The following DST variants were observed in gnomAD, a reference collection of about 807,000 sequenced individuals.
The protein encoded by DST is dystonin.
Under a neutral mutation model 875.2 loss-of-function variants are expected in DST, and 253 were observed. The observed-to-expected ratio is 0.29, with a 90% CI of 0.26 to 0.32. The LOEUF is 0.32. Ranked by LOEUF, DST falls within the 10% of genes least tolerant of loss-of-function variation. The pLI, the probability that DST is intolerant of heterozygous loss-of-function variation, is 1.00. For synonymous variants in DST, 3,124 were observed against 3,197.1 expected (o/e 0.98, Z 0.77); for missense variants, 8,287 against 9,111.6 (o/e 0.91, Z 3.68).
At position 56,515,484 on chromosome 6, in the gene DST, T is replaced by C; in HGVS notation, c.18542A>G (p.Tyr6181Cys). ...TTCCTGCTGCTGCCTTAGAGTTTCA[T>C]ATTCAAGGGCTGGGGCGGGAAGCTG... is the stretch of plus-strand genomic sequence containing the variant. ...ISQLPAPALE[Y>C]ETLRQQQEEH... Residue 6181 changes from tyrosine (Y) to cysteine (C), a missense_variant, in exon 72 of 104, where the codon TAT (tyrosine) becomes TGT (cysteine). Around this residue, in one of 10 missense-constraint regions of DST, gnomAD observed 1,292 missense variants for 1,552.7 expected, o/e 0.83. Transcript: ENST00000680361. 6.2e-7 allele frequency: 1 copy of C among 1,613,916 alleles called. No individual in the cohort carries two copies. Among genetic ancestry groups the C allele is most frequent in the Non-Finnish European group, 8.5e-7 (1 of 1,179,820 alleles).
rs1231552396 is a variant in DST at position 56,639,283 on chromosome 6, A to G, written c.2940T>C (p.Asn980=). ...QEIAEQLLLE[N]HPARLTIEAY... ...CCTCAATAGTTAACCGGGCTGGATGATTTTCTAGAAGTAGCTGCTCTGCTA... is the reference window on the plus strand; with the variant it reads ...CCTCAATAGTTAACCGGGCTGGATGGTTTTCTAGAAGTAGCTGCTCTGCTA... The change falls in exon 22 of 104, where the codon AAT becomes AAC. Residue 980 remains asparagine, a synonymous_variant. Transcript: ENST00000680361. 1.2e-6 allele frequency: 2 copies of G among 1,613,642 alleles called. No individual in the cohort carries two copies. Among genetic ancestry groups the G allele is most frequent in the Non-Finnish European group, 1.7e-6 (2 of 1,179,782 alleles).
intron 5 of DST, among the ~76,000 whole-genome samples, chr6:56,726,019 A>AACAT (rs2099455074): frequency 6.6e-6 from 1 of 152,216 alleles, no homozygotes; most frequent in South Asian, 2.1e-4. Flanking sequence ...ACTGTACATC[A>AACAT]ACAGCATTGT....
intron 5 of DST, among the ~76,000 whole-genome samples, chr6:56,722,368 G>GTTAGTTATTTA (rs1554672068): frequency 2.0e-5 from 3 of 150,596 alleles, no homozygotes; most frequent in African/African-American, 7.3e-5. Flanking sequence ...GTACATGTTT[G>GTTAGTTATTTA]TTTATTTATT....
At chr6:56,683,516 G>A (rs998083654) in intron 9 of DST, among the ~76,000 whole-genome samples, 3 of 151,946 alleles carry the variant, frequency 2.0e-5, no homozygotes, top group African/African-American at 4.8e-5. Context: ...TCTCTCCTAC[G>A]GTAGTTTGTT....
At chr6:56,761,507 G>A (rs1426277665) in intron 4 of DST, among the ~76,000 whole-genome samples, 5 of 152,144 alleles carry the variant, frequency 3.3e-5, no homozygotes, top group Non-Finnish European at 7.3e-5. Flanking sequence ...ATTTAACCAA[G>A]CTATAATTTT....
At chr6:56,891,897 A>G (rs6910217) in intron 3 of DST, among the ~76,000 whole-genome samples, 31,135 of 151,994 alleles carry the variant, frequency 0.2, 3,601 homozygotes, top group East Asian at 0.46. Flanking sequence ...GCTGCCCTCT[A>G]ATCTCCCTCT....
intron 49 of DST, among the ~76,000 whole-genome samples, chr6:56,581,856 A>G (rs2098006659): frequency 6.6e-6 from 1 of 152,136 alleles, no homozygotes; most frequent in Admixed American, 6.5e-5. Context: ...TGAACTCATC[A>G]TCTCATTCTC....
intron 4 of DST, among the ~76,000 whole-genome samples, chr6:56,795,028 A>G (rs577836524): frequency 7.2e-5 from 11 of 152,274 alleles, no homozygotes; most frequent in African/African-American, 2.6e-4. Flanking sequence ...AAGGCTTCTG[A>G]GCAAAGCCCC....
chr6:56,787,484 G>T (rs957561386), intron 4 of DST, among the ~76,000 whole-genome samples: 1 of 152,178 alleles, frequency 6.6e-6, no homozygotes, highest in Non-Finnish European at 1.5e-5. Flanking sequence ...AAAATAGCTT[G>T]AAGTATTTTA....
At position 56,912,690 on chromosome 6, in the gene DST, T is replaced by C. The variant is rs114797103; in HGVS notation, c.217-12069A>G. 3.5e-3 allele frequency among the ~76,000 whole-genome samples: 530 copies of C among 152,298 alleles called. 5 individuals are homozygous for C. Among genetic ancestry groups the C allele is most frequent in the African/African-American group, 0.012 (506 of 41,564 alleles). ...GTGGTGCTCTGCTCCACAGAGTCAT[T>C]TAGAACACCAGGCACCTTCCATCTA... is the stretch of plus-strand genomic sequence containing the variant. On this transcript the variant is annotated intron_variant, in intron 2 of 103. Transcript: ENST00000680361.
chr6:56,846,164 C>T (rs2099806952), intron 4 of DST, among the ~76,000 whole-genome samples: 1 of 152,200 alleles, frequency 6.6e-6, no homozygotes, highest in African/African-American at 2.4e-5. Flanking sequence ...CTTAGAAGAA[C>T]ATCTGGCCAT....
intron 3 of DST, among the ~76,000 whole-genome samples, chr6:56,867,942 C>T (rs1238684236): frequency 6.6e-6 from 1 of 152,130 alleles, no homozygotes; most frequent in African/African-American, 2.4e-5. Context: ...CTTTAATAAA[C>T]AGACGGGTGT....
At position 56,515,648 on chromosome 6, in the gene DST, C is replaced by T; in HGVS notation, c.18378G>A (p.Leu6126=). 6.2e-7 allele frequency: 1 copy of T among 1,608,164 alleles called. No homozygotes were observed. The highest frequency in any genetic ancestry group is 1.1e-5 in the South Asian group (1 of 90,288). ...QSMKKKLDKV[L]KNYDTICQIN... ...TCTGGCAGATGGTATCATAGTTCTT[C>T]AGTACCTTGTCCAGTTTTTTCTAGA... Residue 6126 remains leucine, a synonymous_variant, in exon 72 of 104, where the codon CTG becomes CTA. Coordinates refer to ENST00000680361, the MANE Select transcript of DST (RefSeq NM_001374736.1).
At chr6:56,788,256 G>A (rs1177815979) in intron 4 of DST, among the ~76,000 whole-genome samples, 1 of 149,094 alleles carries the variant, frequency 6.7e-6, no homozygotes, top group Non-Finnish European at 1.5e-5. Context: ...AGGCTAGAGT[G>A]CAGCGGCACG....
At chr6:56,677,127 T>C (rs1188920583) in intron 9 of DST, among the ~76,000 whole-genome samples, 2 of 152,210 alleles carry the variant, frequency 1.3e-5, no homozygotes, top group Non-Finnish European at 2.9e-5. Context: ...TAATTTTTAT[T>C]TGTCAATTTA....
At chr6:56,518,271 C>T (rs980478475) in intron 69 of DST, among the ~76,000 whole-genome samples, 2 of 151,984 alleles carry the variant, frequency 1.3e-5, no homozygotes, top group African/African-American at 4.8e-5. Context: ...TTTATAAGCA[C>T]AGTACAAATT....
At chr6:56,480,247 C>A (rs573568547) in intron 90 of DST, among the ~76,000 whole-genome samples, 5 of 152,262 alleles carry the variant, frequency 3.3e-5, no homozygotes, top group Admixed American at 2.6e-4. Context: ...TTTCCCAATA[C>A]AGGATCCTCC....
chr6:56,658,684 A>C (rs964323136), intron 10 of DST, among the ~76,000 whole-genome samples: 5 of 152,238 alleles, frequency 3.3e-5, no homozygotes, highest in African/African-American at 1.2e-4. Context: ...TCCCAGTCAA[A>C]AAACTAGCAA....
chr6:56,469,079 T>C (rs1582218672), intron 97 of DST, 80 bp from the exon 98 acceptor site: 1 of 1,095,170 alleles, frequency 9.1e-7, no homozygotes, highest in Non-Finnish European at 1.3e-6. Flanking sequence ...CATACACACA[T>C]ACTCACACTC....
Sources: allele counts gnomAD v4.1 joint callset (sites outside exome capture counted in the v4.1 genomes callset), GRCh38; gene constraint gnomAD v4.1.1; regional missense constraint gnomAD v4.1.1; transcripts MANE v1.5; gene names NCBI Gene and HGNC (gene_info 2026-07-23, HGNC 2026-07-21).